The following PDZRN3 variants were observed in gnomAD, a reference collection of about 807,000 sequenced individuals.
PDZRN3 encodes E3 ubiquitin-protein ligase PDZRN3.
In PDZRN3, 38 loss-of-function variants were observed where a neutral mutation model predicts 85.7. That is an observed-to-expected ratio of 0.44 (90% CI 0.34 to 0.58). The LOEUF (loss-of-function observed/expected upper bound fraction) is 0.58. Among genes scored for constraint, PDZRN3 ranks in the 20% least tolerant of loss-of-function variants. PDZRN3 has a pLI of 0.01. For synonymous variants in PDZRN3, 759 were observed against 638.0 expected (o/e 1.19, Z -2.86); for missense variants, 1,629 against 1,506.4 (o/e 1.08, Z -1.35).
intron 3 of PDZRN3, among the ~76,000 whole-genome samples, chr3:73,547,867 A>G (rs915603255): frequency 6.6e-6 from 1 of 152,230 alleles, no homozygotes; most frequent in Non-Finnish European, 1.5e-5. Context: ...CCTGGTTCTA[A>G]GAAGAATGAA....
intron 3 of PDZRN3, among the ~76,000 whole-genome samples, chr3:73,494,111 C>T (rs1703826141): frequency 6.6e-6 from 1 of 152,150 alleles, no homozygotes; most frequent in South Asian, 2.1e-4. Context: ...CTGCTGAGGC[C>T]AATTTGGGCT....
intron 3 of PDZRN3, among the ~76,000 whole-genome samples, chr3:73,409,542 G>C (rs180851968): frequency 4.6e-5 from 7 of 152,240 alleles, no homozygotes; most frequent in Admixed American, 4.6e-4. Context: ...GTTCTTGGAG[G>C]AAAAATGAAG....
chr3:73,475,661 A>T (rs899678072), intron 3 of PDZRN3, among the ~76,000 whole-genome samples: 2 of 152,232 alleles, frequency 1.3e-5, no homozygotes, highest in Non-Finnish European at 2.9e-5. Context: ...TGGGTGATTG[A>T]ATATAAATTC....
chr3:73,558,325 T>C (rs139194035), intron 3 of PDZRN3, among the ~76,000 whole-genome samples: 2 of 152,308 alleles, frequency 1.3e-5, no homozygotes, highest in Admixed American at 1.3e-4. Context: ...TTTTGTACAG[T>C]GTGATAAGTT....
In PDZRN3 at chr3:73,585,978, T is replaced by C. The variant is rs912604563; in HGVS notation, c.918+16376A>G. On this transcript the variant is annotated intron_variant, in intron 3 of 9. Coordinates refer to ENST00000263666, the MANE Select transcript of PDZRN3 (RefSeq NM_015009.3). ...AAATAACACAATTTCCTAAGTCTTA[T>C]TGTTAAACAGGACTAAGAAAAAGGT... 6.6e-5 allele frequency among the ~76,000 whole-genome samples: 10 copies of C among 152,312 alleles called. No individual in the cohort carries two copies. The South Asian group carries it at 8.3e-4, about 13-fold the overall frequency.
chr3:73,535,306 G>C (rs1704755803), intron 3 of PDZRN3, among the ~76,000 whole-genome samples: 1 of 152,196 alleles, frequency 6.6e-6, no homozygotes, highest in Non-Finnish European at 1.5e-5. Context: ...GAGCAATACA[G>C]TGACAATCAC....
At chr3:73,396,015 G>A (rs1701627901) in intron 5 of PDZRN3, among the ~76,000 whole-genome samples, 1 of 152,154 alleles carries the variant, frequency 6.6e-6, no homozygotes, top group Non-Finnish European at 1.5e-5. Context: ...TTGAGGTCAG[G>A]AGTTTGAGAC....
rs561938096 is a variant in PDZRN3, at chr3:73,569,435, C to T, written c.918+32919G>A. The stretch of plus-strand genomic sequence containing the variant: ...CATATTTCCTGTCTCTTCCATGTCA[C>T]GTTCTCTTAAGCCCCGAGGCGTCTA... On this transcript the variant is annotated intron_variant, in intron 3 of 9. Coordinates refer to ENST00000263666, the MANE Select transcript of PDZRN3 (RefSeq NM_015009.3). 1.0e-3 allele frequency: 1,154 copies of T among 1,135,996 alleles called. 5 individuals carry two copies. Among genetic ancestry groups the T allele is most frequent in the Non-Finnish European group, 1.1e-3 (1,036 of 917,884 alleles). 70.4% of individuals were successfully genotyped at this position (1,135,996 alleles called of 1,614,324 possible).
chr3:73,392,370 C>T (rs548084875), intron 5 of PDZRN3, among the ~76,000 whole-genome samples: 11 of 152,322 alleles, frequency 7.2e-5, no homozygotes, highest in South Asian at 4.1e-4. Flanking sequence ...ATGATCTTAA[C>T]GACTTTCAGC....
intron 2 of PDZRN3, among the ~76,000 whole-genome samples, chr3:73,605,345 C>A (rs1234443268): frequency 6.6e-6 from 1 of 152,058 alleles, no homozygotes; most frequent in Non-Finnish European, 1.5e-5. Context: ...TTTTGTTTTG[C>A]TGCCTTGAGT....
chr3:73,596,756 T>C (rs564843653), intron 3 of PDZRN3, among the ~76,000 whole-genome samples: 2 of 152,316 alleles, frequency 1.3e-5, no homozygotes, highest in African/African-American at 2.4e-5. Context: ...TAAAGGAAAC[T>C]AAATAAATAT....
intron 3 of PDZRN3, among the ~76,000 whole-genome samples, chr3:73,411,320 C>A (rs1177022573): frequency 6.6e-6 from 1 of 152,176 alleles, no homozygotes; most frequent in Non-Finnish European, 1.5e-5. Flanking sequence ...AGGAAAGAGA[C>A]AAGAAATAAC....
In PDZRN3 at chr3:73,384,227, C is replaced by G. The variant is rs558601532; in HGVS notation, c.2339G>C (p.Arg780Thr). ...GCAGCTGATGCCCTCCGCCGCTCTCCTCAAGGAGTTGTCGGGGGAGATCTC... is the reference window on the plus strand; with the variant it reads ...GCAGCTGATGCCCTCCGCCGCTCTCGTCAAGGAGTTGTCGGGGGAGATCTC... Reference protein sequence around the residue: ...TLEISPDNSLRRAAEGISCPS... With the variant: ...TLEISPDNSLTRAAEGISCPS... The change falls in exon 10 of 10, where the codon AGG (arginine) becomes ACG (threonine). Residue 780 changes from arginine (R) to threonine (T), a missense_variant. Arg to Thr is a moderately conservative substitution (Grantham distance 71). Transcript: ENST00000263666. The G allele has an allele frequency of 2.7e-5, 43 of 1,613,754 alleles. No individual in the cohort carries two copies. The South Asian group carries it at 4.6e-4, about 17-fold the overall frequency.
intron 3 of PDZRN3, among the ~76,000 whole-genome samples, chr3:73,476,709 C>T (rs763229471): frequency 2.5e-4 from 38 of 152,260 alleles, no homozygotes; most frequent in Non-Finnish European, 4.1e-4. Flanking sequence ...AGCCAGTTGA[C>T]GTATCACAAG....
chr3:73,399,868 A>G (rs3845876), intron 5 of PDZRN3, among the ~76,000 whole-genome samples: 114,984 of 152,098 alleles, frequency 0.76, 43,955 homozygotes, highest in African/African-American at 0.87. Context: ...CTGGCTAACC[A>G]TCAGTGAAGT....
chr3:73,531,909 G>A (rs1704665432), intron 3 of PDZRN3, among the ~76,000 whole-genome samples: 1 of 152,210 alleles, frequency 6.6e-6, no homozygotes, highest in Admixed American at 6.5e-5. Context: ...CTGGCCCTGT[G>A]GGGACTCAGG....
At chr3:73,544,687 G>GTTTTT (rs879453711) in intron 3 of PDZRN3, among the ~76,000 whole-genome samples, 3 of 144,104 alleles carry the variant, frequency 2.1e-5, no homozygotes, top group African/African-American at 7.6e-5. Flanking sequence ...CACTATCTGG[G>GTTTTT]TTTTTTTTTT....
intron 3 of PDZRN3, among the ~76,000 whole-genome samples, chr3:73,486,180 G>C (rs1416329666): frequency 6.6e-6 from 1 of 152,206 alleles, no homozygotes; most frequent in Non-Finnish European, 1.5e-5. Flanking sequence ...AGCAGACAGT[G>C]GGGGCTGGGA....
chr3:73,385,022 C>CA, intron 9 of PDZRN3, 92 bp from the exon 10 acceptor site: 1 of 1,435,944 alleles, frequency 7.0e-7, no homozygotes. Flanking sequence ...CTGGATAGGG[C>CA]AGGCTGTACA....
Sources: gnomAD v4.1 joint callset for allele counts (sites outside exome capture counted in the v4.1 genomes callset) on GRCh38, gnomAD v4.1.1 for gene constraint, MANE v1.5 for transcripts, NCBI Gene and HGNC (gene_info 2026-07-23, HGNC 2026-07-21) for gene names.